Variants in NBR1 observed in about 807,000 individuals in gnomAD.
NBR1 encodes the protein NBR1 autophagy cargo receptor.
NBR1 carries 59 observed loss-of-function variants against 115.5 expected under a neutral mutation model. The observed-to-expected ratio is 0.51, with a 90% confidence interval of 0.41 to 0.63. NBR1 has a LOEUF of 0.63. NBR1 is among the 30% of genes least tolerant of loss of function. NBR1 has a pLI of 0.00. For missense variants in NBR1, 1,043 were observed against 1,150.5 expected (o/e 0.91, Z 1.35); for synonymous variants, 373 against 414.7 (o/e 0.90, Z 1.22).
intron 5 of NBR1, among the ~76,000 whole-genome samples, chr17:43,184,577 G>A (rs1439216004): frequency 6.6e-6 from 1 of 151,292 alleles, no homozygotes; most frequent in Non-Finnish European, 1.5e-5. Flanking sequence ...TGTTGGACAG[G>A]CTGGTCTCGA....
chr17:43,181,678 A>G (rs1468808766), intron 5 of NBR1, among the ~76,000 whole-genome samples: 1 of 140,128 alleles, frequency 7.1e-6, no homozygotes, highest in African/African-American at 2.6e-5. Flanking sequence ...CAAAAAAAAC[A>G]AACAAACCAA....
At chr17:43,195,154 A>G (rs2057037979) in intron 14 of NBR1, 115 bp downstream of exon 14, 2 of 788,228 alleles carry the variant, frequency 2.5e-6, no homozygotes, top group African/African-American at 1.8e-5. Flanking sequence ...CTCCCACAGT[A>G]GGATAGTAAA....
At position 43,210,511 on chromosome 17, in the gene NBR1, A is replaced by T; in HGVS notation, c.*437A>T. 2.5e-6 allele frequency: 1 copy of T among 397,976 alleles called. No individual in the cohort carries two copies. Among genetic ancestry groups the T allele is most frequent in the Non-Finnish European group, 4.4e-6 (1 of 226,006 alleles). The allele number at this position is 397,976 out of a possible 1,614,324, so 24.7% of individuals were successfully genotyped here. On this transcript the variant is annotated 3_prime_UTR_variant, in exon 21 of 21. Transcript: ENST00000590996. ...AATTATTCTCATAATTCTTATTCTC[A>T]TAATTTCTGTAATCCACCTCAAGCT...
chr17:43,170,422 T>TC (rs1414582540), upstream of NBR1: 3 of 153,478 alleles, frequency 2.0e-5, no homozygotes, highest in Non-Finnish European at 4.4e-5. Flanking sequence ...CTACCTGAGT[T>TC]CGCCGTAAAG....
chr17:43,189,720 T>C lies in NBR1; in HGVS notation c.613T>C (p.Phe205Leu), dbSNP rs369587618. The change falls in exon 8 of 21, where the codon TTT becomes CTT. Residue 205 changes from phenylalanine (F) to leucine (L), a missense_variant. By Grantham distance (22) the Phe-to-Leu change is conservative. Transcript: ENST00000590996. Reference protein sequence around the residue: ...VSMPTSEETLFLPENQFSWHI... With the variant: ...VSMPTSEETLLLPENQFSWHI... ...AATGCCTACTTCAGAAGAAACATTG[T>C]TTTTGCCAGAAAACCAGTTCAGCTG... The C allele has an allele frequency of 2.2e-5, 36 of 1,613,808 alleles. No homozygotes were observed. The highest frequency in any genetic ancestry group is 2.7e-5 in the Non-Finnish European group (32 of 1,179,868).
At chr17:43,197,738 TAGC>T (rs2057102778) in intron 16 of NBR1, among the ~76,000 whole-genome samples, 1 of 152,180 alleles carries the variant, frequency 6.6e-6, no homozygotes, top group South Asian at 2.1e-4. Flanking sequence ...CAGAGCTCCT[TAGC>T]AGAGACCCCT....
At chr17:43,203,611 G>A (rs2057250569) in intron 19 of NBR1, 70 bp from the exon 20 acceptor site, 5 of 934,154 alleles carry the variant, frequency 5.4e-6, no homozygotes, top group Non-Finnish European at 8.2e-6. Context: ...AAGGATTAGA[G>A]CCCAGATTAT....
chr17:43,194,523 G>T, intron 13 of NBR1, 24 bp downstream of exon 13: 3 of 1,613,260 alleles, frequency 1.9e-6, no homozygotes, highest in Non-Finnish European at 2.5e-6. Context: ...CACTTTGAAG[G>T]GCAAGGGACA....
In NBR1 at chr17:43,200,349, C is replaced by A. The variant is rs1385442457; in HGVS notation, c.2209C>A (p.Pro737Thr). The part of the protein sequence containing the change: ...ASSEDYIIIL[P>T]ECFDTSRPLG... ...CTCAGAGGATTACATCATCATCCTG[C>A]CTGAGTGCTTTGATACCAGCCGCCC... The change falls in exon 17 of 21, where the codon CCT (proline) becomes ACT (threonine). Residue 737 changes from proline (P) to threonine (T), a missense_variant. Transcript: ENST00000590996. 3 of 1,556,124 alleles carry A rather than the reference C, an allele frequency of 1.9e-6. No homozygotes were observed. The highest frequency in any genetic ancestry group is 2.7e-5 in the African/African-American group (2 of 73,248).
At chr17:43,193,281 G>C (rs750061078) in intron 11 of NBR1, 28 bp downstream of exon 11, 1 of 1,613,564 alleles carries the variant, frequency 6.2e-7, no homozygotes, top group Non-Finnish European at 8.5e-7. Context: ...ATGCAAAGAT[G>C]AGGTGATTTG....
At chr17:43,179,506 T>A in intron 4 of NBR1, 94 bp downstream of exon 4, 1 of 1,224,910 alleles carries the variant, frequency 8.2e-7, no homozygotes, top group Non-Finnish European at 1.2e-6. Context: ...ATTGCAGTAT[T>A]AATTTTAGAG....
chr17:43,188,198 A>G (rs1443482185), intron 6 of NBR1, among the ~76,000 whole-genome samples: 1 of 152,014 alleles, frequency 6.6e-6, no homozygotes, highest in African/African-American at 2.4e-5. Flanking sequence ...CCTGATTTGC[A>G]TTTCTCTAAT....
chr17:43,207,711 A>G (rs770069956), intron 20 of NBR1, among the ~76,000 whole-genome samples: 16 of 152,222 alleles, frequency 1.1e-4, no homozygotes, highest in Non-Finnish European at 1.6e-4. Flanking sequence ...TACAATGTAA[A>G]TGCTATCTGA....
chr17:43,207,091 A>T (rs1386712694), intron 20 of NBR1, among the ~76,000 whole-genome samples: 1 of 152,170 alleles, frequency 6.6e-6, no homozygotes, highest in African/African-American at 2.4e-5. Flanking sequence ...AGTCAAGGAT[A>T]AATCCCAAGT....
chr17:43,190,876 C>A, intron 9 of NBR1, 100 bp downstream of exon 9: 1 of 1,185,784 alleles, frequency 8.4e-7, no homozygotes, highest in Non-Finnish European at 1.2e-6. Flanking sequence ...CTTAGTTCTG[C>A]TCATTTTCAA....
chr17:43,204,494 A>AC (rs2057272867), intron 20 of NBR1, among the ~76,000 whole-genome samples: 1 of 150,250 alleles, frequency 6.7e-6, no homozygotes, highest in Middle Eastern at 3.5e-3. Flanking sequence ...ACATAGTGAG[A>AC]CCCCCATCTC....
rs991865248 is a variant in NBR1, at chr17:43,210,065, A to G, written c.2892A>G (p.Gln964=). 3.7e-6 allele frequency: 6 copies of G among 1,611,640 alleles called. No individual in the cohort carries two copies. Among genetic ancestry groups the G allele is most frequent in the Non-Finnish European group, 4.2e-6 (5 of 1,179,046 alleles). The stretch of plus-strand genomic sequence containing the variant: ...TAAACAACAACGACTGGTACAGCCA[A>G]CGCTATTGAGGAGTGACCTTGTATT... The part of the protein sequence containing the change: ...LQLNNNDWYS[Q]RY Residue 964 remains glutamine, a synonymous_variant, in exon 21 of 21, where the codon CAA becomes CAG. Coordinates refer to ENST00000590996, the MANE Select transcript of NBR1 (RefSeq NM_005899.5).
chr17:43,192,203 A>G (rs1001318407), intron 10 of NBR1, among the ~76,000 whole-genome samples: 2 of 148,356 alleles, frequency 1.3e-5, no homozygotes, highest in Non-Finnish European at 3.0e-5. Flanking sequence ...GTATTTTTTC[A>G]GTAGAGATGG....
intron 9 of NBR1, 108 bp from the exon 10 acceptor site, chr17:43,191,259 CAAAAA>C: frequency 1.3e-6 from 1 of 778,366 alleles, no homozygotes; most frequent in South Asian, 1.8e-5. Flanking sequence ...AATTCTAAAA[CAAAAA>C]AAGAAATTAA....
Sources: gnomAD v4.1 joint callset for allele counts (sites outside exome capture counted in the v4.1 genomes callset) on GRCh38, gnomAD v4.1.1 for gene constraint, MANE v1.5 for transcripts, NCBI Gene and HGNC (gene_info 2026-07-23, HGNC 2026-07-21) for gene names.